The following ANXA8 variants were observed in gnomAD, a reference collection of about 807,000 sequenced individuals.
The protein encoded by ANXA8 is VAC-beta.
ANXA8 carries 9 observed loss-of-function variants against 26.8 expected under a neutral mutation model. The ratio of observed to expected loss-of-function variants is 0.34; its 90% CI spans 0.20 to 0.59. ANXA8 has a LOEUF of 0.59. Ranked by LOEUF, ANXA8 falls within the 20% of genes least tolerant of loss-of-function variation. ANXA8 has a pLI of 0.84. For missense variants in ANXA8, 83 were observed against 238.5 expected (o/e 0.35, Z 4.29); for synonymous variants, 39 against 94.8 (o/e 0.41, Z 3.42).
chr10:47,617,053 T>C, the ANXA8 span, among the ~76,000 whole-genome samples: 1 of 72,694 alleles, frequency 1.4e-5, no homozygotes, highest in Non-Finnish European at 3.5e-5. Flanking sequence ...TATATATACA[T>C]ATAAATTACA....
chr10:47,658,873 T>C, the ANXA8 span, among the ~76,000 whole-genome samples: 2 of 146,698 alleles, frequency 1.4e-5, no homozygotes, highest in South Asian at 4.2e-4. Flanking sequence ...TTTATTTATT[T>C]ATTTATTTAT....
At chr10:47,583,817 G>A in the ANXA8 span, among the ~76,000 whole-genome samples, 5 of 143,292 alleles carry the variant, frequency 3.5e-5, no homozygotes, top group South Asian at 2.2e-4. Context: ...TTAGTCCACA[G>A]CAAAGGTGCG....
chr10:47,667,710 G>A, the ANXA8 span, among the ~76,000 whole-genome samples: 1 of 151,184 alleles, frequency 6.6e-6, no homozygotes, highest in Non-Finnish European at 1.5e-5. Context: ...GCATCACCAC[G>A]CCAAGCCAAT....
chr10:47,676,279 A>G, the ANXA8 span, among the ~76,000 whole-genome samples: 1 of 151,926 alleles, frequency 6.6e-6, no homozygotes. Flanking sequence ...GACAATGCTC[A>G]GGAACTTCTA....
At chr10:47,612,882 C>T in the ANXA8 span, among the ~76,000 whole-genome samples, 239 of 63,008 alleles carry the variant, frequency 3.8e-3, no homozygotes, top group South Asian at 9.2e-3. Context: ...TTCCAAGCCT[C>T]CTTAGCTGTA....
At chr10:47,763,283 G>T in the ANXA8 span, 2 of 983,724 alleles carry the variant, frequency 2.0e-6, no homozygotes, top group Non-Finnish European at 2.4e-6. Context: ...CAAACCGGTC[G>T]AGAGCGCAAT....
the ANXA8 span, among the ~76,000 whole-genome samples, chr10:47,665,181 C>A: frequency 2.7e-5 from 4 of 147,750 alleles, no homozygotes; most frequent in Non-Finnish European, 5.9e-5. Flanking sequence ...AAAAAAAAAA[C>A]CCAGGTAAAA....
At chr10:47,619,901 CCTCT>C in the ANXA8 span, among the ~76,000 whole-genome samples, 1 of 112,066 alleles carries the variant, frequency 8.9e-6, no homozygotes, top group Non-Finnish European at 2.0e-5. Context: ...ACCATATATT[CCTCT>C]CTATCTGCTC....
chr10:47,961,253 G>A, the ANXA8 span, among the ~76,000 whole-genome samples: 7 of 151,124 alleles, frequency 4.6e-5, no homozygotes, highest in East Asian at 1.4e-3. Context: ...TGTCAAGACA[G>A]TGGAAGCATT....
chr10:47,590,515 C>T, the ANXA8 span, among the ~76,000 whole-genome samples: 1 of 146,490 alleles, frequency 6.8e-6, no homozygotes, highest in Non-Finnish European at 1.5e-5. Context: ...CTTAGGAGCA[C>T]AGGTTTTGGT....
At chr10:47,558,520 G>A in the ANXA8 span, among the ~76,000 whole-genome samples, 11 of 144,424 alleles carry the variant, frequency 7.6e-5, no homozygotes, top group African/African-American at 2.9e-4. Flanking sequence ...AGTCTAACAG[G>A]GTTTTAAGAT....
upstream of ANXA8, among the ~76,000 whole-genome samples, chr10:47,488,908 T>C (rs1840095784): frequency 6.8e-6 from 1 of 146,430 alleles, no homozygotes; most frequent in South Asian, 2.2e-4. Flanking sequence ...TTTGTATTTT[T>C]AGTAGAGATG....
chr10:47,706,624 G>A, the ANXA8 span: 3 of 905,032 alleles, frequency 3.3e-6, no homozygotes, highest in Non-Finnish European at 5.3e-6. Context: ...GCAGAATCTT[G>A]GAATGCAGCT....
chr10:47,507,663 G>A, the ANXA8 span: 2 of 1,499,374 alleles, frequency 1.3e-6, 1 homozygote, highest in South Asian at 2.3e-5. Flanking sequence ...GGGGGGCAGA[G>A]GAAACTCTCC....
the ANXA8 span, among the ~76,000 whole-genome samples, chr10:47,496,039 T>A: frequency 3.3e-5 from 5 of 151,332 alleles, no homozygotes; most frequent in Non-Finnish European, 4.4e-5. Flanking sequence ...AGGCTGTATC[T>A]GGGAAAGGAG....
the ANXA8 span, among the ~76,000 whole-genome samples, chr10:47,907,742 T>G: frequency 7.3e-6 from 1 of 137,394 alleles, no homozygotes; most frequent in Non-Finnish European, 1.6e-5. Flanking sequence ...CACTCCAGCC[T>G]GGGCAACAAG....
the ANXA8 span, chr10:47,969,893 T>G: frequency 2.0e-5 from 3 of 151,320 alleles, no homozygotes; most frequent in South Asian, 2.1e-4. Flanking sequence ...TCATGAACCT[T>G]GTCTTCCAGA....
the ANXA8 span, among the ~76,000 whole-genome samples, chr10:47,666,609 C>A: frequency 6.6e-6 from 1 of 151,880 alleles, no homozygotes; most frequent in African/African-American, 2.4e-5. Flanking sequence ...TTTTACAGGG[C>A]AATTTTGTAA....
chr10:47,576,663 C>T, the ANXA8 span, among the ~76,000 whole-genome samples: 1 of 150,718 alleles, frequency 6.6e-6, no homozygotes, highest in Admixed American at 6.6e-5. Flanking sequence ...GACTATAGCA[C>T]ATACCACCAC....
Sources: gnomAD v4.1 joint callset for allele counts (sites outside exome capture counted in the v4.1 genomes callset) on GRCh38, gnomAD v4.1.1 for gene constraint, MANE v1.5 for transcripts, NCBI Gene and HGNC (gene_info 2026-07-23, HGNC 2026-07-21) for gene names.